Variants in TATDN3 observed in about 807,000 individuals in gnomAD.
The protein encoded by TATDN3 is deoxyribonuclease TATDN3.
In TATDN3, 29 loss-of-function variants were observed where a neutral mutation model predicts 40.1. That is an observed-to-expected ratio of 0.72 (90% CI 0.54 to 0.99). The LOEUF (loss-of-function observed/expected upper bound fraction) is 0.99, where lower values mean the gene tolerates loss of function less well. TATDN3 is among the 50% of genes least tolerant of loss of function. The probability of loss-of-function intolerance (pLI) is 0.00; values close to 1 mark genes in which losing one functional copy is unlikely to be tolerated. For missense variants in TATDN3, 309 were observed against 321.9 expected, an observed-to-expected ratio of 0.96 and a Z score of 0.31; for synonymous variants, 105 against 117.0, an observed-to-expected ratio of 0.90 and a Z score of 0.66.
rs116926652 is a variant in TATDN3 at position 212,800,794 on chromosome 1, T to G, written c.259-1907T>G. 1.8e-4 allele frequency among the ~76,000 whole-genome samples: 28 copies of G among 152,244 alleles called. No homozygotes were observed. In the East Asian group the frequency reaches 5.4e-3, roughly 29 times the overall value. ...ACTGACTTCTGTGATCTGTGGCACA[T>G]TACTTACCTTTGCCAAGTCTGATTT... On this transcript the variant is annotated intron_variant, in intron 4 of 9. Transcript: ENST00000366974.
chr1:212,805,132 TTA>T (rs1398390380), intron 7 of TATDN3, among the ~76,000 whole-genome samples: 1 of 151,988 alleles, frequency 6.6e-6, no homozygotes, highest in African/African-American at 2.4e-5. Context: ...CAGCTAATTT[TTA>T]TATTTTTAGT....
Position 212,804,634 on chromosome 1 carries a change from A to G in TATDN3, c.470A>G (p.Asn157Ser), listed in dbSNP as rs149554235. Reference sequence around the variant, plus strand: ...CGCTCTGCTGGAAGACCTACCATCAACCTTTTACAAGAGCAAGGTATTTCG... The same window carrying G: ...CGCTCTGCTGGAAGACCTACCATCAGCCTTTTACAAGAGCAAGGTATTTCG... ...HSRSAGRPTINLLQEQGAEKV... is the reference protein window; with the variant it reads ...HSRSAGRPTISLLQEQGAEKV... Residue 157 changes from asparagine (N) to serine (S), a missense_variant, in exon 7 of 10, where the codon AAC (asparagine) becomes AGC (serine). Transcript: ENST00000366974. 1,422 of 1,613,456 alleles carry G rather than the reference A, an allele frequency of 8.8e-4. 5 individuals are homozygous for G. The African/African-American group carries it at 0.016, about 18-fold the overall frequency.
rs1042382150 is a variant in TATDN3, at chr1:212,815,979, G to A, written c.*823G>A. 1 of 152,054 alleles carries A rather than the reference G, an allele frequency of 6.6e-6. No individual in the cohort carries two copies. Among genetic ancestry groups the A allele is most frequent in the African/African-American group, 2.4e-5 (1 of 41,402 alleles). The allele number at this position is 152,054 out of a possible 1,614,324, so 9.4% of individuals were successfully genotyped here. The stretch of plus-strand genomic sequence containing the variant: ...TTCTCTTTAAGATAAAAATGCATAC[G>A]ATTTTTACACTGATCTTAGATTTTT... On this transcript the variant is annotated 3_prime_UTR_variant, in exon 10 of 10. Transcript: ENST00000366974.
At chr1:212,809,431 T>A (rs535696934) in intron 8 of TATDN3, among the ~76,000 whole-genome samples, 1 of 152,344 alleles carries the variant, frequency 6.6e-6, no homozygotes, top group South Asian at 2.1e-4. Flanking sequence ...ATGCCTGTAA[T>A]CCCAGCACTT....
intron 2 of TATDN3, 64 bp from the exon 3 acceptor site, chr1:212,796,453 A>T (rs776003590): frequency 5.7e-5 from 74 of 1,296,640 alleles, no homozygotes; most frequent in Non-Finnish European, 7.3e-5. Context: ...GAAAACTTTA[A>T]AATTTTCTAT....
At chr1:212,799,071 A>T (rs1273376669) in intron 4 of TATDN3, among the ~76,000 whole-genome samples, 3 of 152,232 alleles carry the variant, frequency 2.0e-5, no homozygotes, top group Non-Finnish European at 2.9e-5. Flanking sequence ...GGAAACAGCA[A>T]AGCACAAAGG....
chr1:212,807,679 T>G (rs1186814240), intron 7 of TATDN3, 57 bp from the exon 8 acceptor site: 1 of 1,353,850 alleles, frequency 7.4e-7, no homozygotes, highest in Non-Finnish European at 1.0e-6. Context: ...CTTCTGTTAT[T>G]TAATTTGATT....
rs1467557998 is a variant in TATDN3, at chr1:212,807,836, A to C, written c.588A>C (p.Ile196=). The stretch of plus-strand genomic sequence containing the variant: ...TCTTCTCAATTCCCCCTTCTATCAT[A>C]AGAAGTGGACAGGTAAATTTTTTCA... ...GYFFSIPPSI[I]RSGQKQKLVK... The change falls in exon 8 of 10, where the codon ATA becomes ATC. Residue 196 remains isoleucine (I), a synonymous_variant. Transcript: ENST00000366974. 5 of 1,610,146 alleles carry C rather than the reference A, an allele frequency of 3.1e-6. No individual in the cohort carries two copies. In the African/African-American group the frequency reaches 6.7e-5, roughly 22 times the overall value.
chr1:212,803,742 A>G (rs1258404305), intron 5 of TATDN3, among the ~76,000 whole-genome samples: 1 of 140,978 alleles, frequency 7.1e-6, no homozygotes, highest in Non-Finnish European at 1.6e-5. Flanking sequence ...TACCAAAAAG[A>G]AAAAAAAAAA....
intron 4 of TATDN3, 62 bp from the exon 5 acceptor site, chr1:212,802,639 A>C: frequency 8.8e-7 from 1 of 1,131,166 alleles, no homozygotes; most frequent in Non-Finnish European, 1.4e-6. Flanking sequence ...AGCACATAAT[A>C]GGAGCTTGTG....
Position 212,796,571 on chromosome 1 carries a change from A to C in TATDN3, c.154A>C (p.Ile52Leu). The change falls in exon 3 of 10, where the codon ATT becomes CTT. Residue 52 changes from isoleucine (I) to leucine (L), a missense_variant. Physicochemically the swap from Ile to Leu is conservative, Grantham distance 5 (BLOSUM62 2). Transcript: ENST00000366974. Reference sequence around the variant, plus strand: ...CGAACATTCAGGAGAATTTGAAAAGATTATGCAACTTTCAGAAAGGTGCTA... The same window carrying C: ...CGAACATTCAGGAGAATTTGAAAAGCTTATGCAACTTTCAGAAAGGTGCTA... ...VAEHSGEFEK[I>L]MQLSERYNGF... 6.3e-7 allele frequency: 1 copy of C among 1,578,528 alleles called. No individual in the cohort carries two copies.
intron 1 of TATDN3, chr1:212,793,089 A>G (rs1279488635): frequency 2.0e-5 from 3 of 152,264 alleles, no homozygotes; most frequent in African/African-American, 7.2e-5. Flanking sequence ...ATGAGCTAGA[A>G]AGAGAAAGGC....
At chr1:212,797,015 C>G in intron 3 of TATDN3, 97 bp from the exon 4 acceptor site, 1 of 913,624 alleles carries the variant, frequency 1.1e-6, no homozygotes, top group Non-Finnish European at 1.8e-6. Context: ...GAATTACAGA[C>G]ATAAGCCACC....
rs535087699 is a variant in TATDN3, at chr1:212,816,067, T to A, written c.*911T>A. On this transcript the variant is annotated 3_prime_UTR_variant, in exon 10 of 10. Transcript: ENST00000366974. The stretch of plus-strand genomic sequence containing the variant: ...ATACCAAGCCCAAAAGTTTAGTTAA[T>A]ACACCAATTGTAAGTTCTGGTCTGA... The A allele has an allele frequency of 1.3e-5, 2 of 152,334 alleles. No homozygotes were observed. Among genetic ancestry groups the A allele is most frequent in the East Asian group, 3.8e-4 (2 of 5,196 alleles). The allele number at this position is 152,334 out of a possible 1,614,324, so 9.4% of individuals were successfully genotyped here. A position where few individuals can be genotyped will look rare whatever the true frequency, so the allele number is the denominator to read the frequency against.
intron 5 of TATDN3, among the ~76,000 whole-genome samples, chr1:212,803,494 T>C (rs1165432520): frequency 1.3e-5 from 2 of 152,106 alleles, no homozygotes; most frequent in African/African-American, 4.8e-5. Flanking sequence ...AATTGTGAAA[T>C]ATTTTTATTA....
chr1:212,802,506 GA>G (rs748840753), intron 4 of TATDN3, among the ~76,000 whole-genome samples, 194 bp from the exon 5 acceptor site: 10 of 152,276 alleles, frequency 6.6e-5, no homozygotes, highest in Admixed American at 6.5e-4. Context: ...ATGGGTATGG[GA>G]TATGTTTCTA....
chr1:212,803,900 G>A (rs1184228058), intron 5 of TATDN3, among the ~76,000 whole-genome samples: 1 of 152,034 alleles, frequency 6.6e-6, no homozygotes, highest in African/African-American at 2.4e-5. Flanking sequence ...GCCGGGCGTG[G>A]TAGCAGGCAC....
chr1:212,806,785 C>CAT lies in TATDN3; in HGVS notation c.488-950_488-949insTA, dbSNP rs1348078235. ...ATATATATATATATATATATATATA[C>CAT]ACACACACACACACATATATACACA... is the stretch of plus-strand genomic sequence containing the variant. On this transcript the variant is annotated intron_variant, in intron 7 of 9. Coordinates refer to ENST00000366974, the MANE Select transcript of TATDN3 (RefSeq NM_001042552.3). Among the ~76,000 whole-genome samples the CAT allele has an allele frequency of 2.1e-3, 123 of 57,482 alleles. 10 individuals are homozygous for CAT. Among genetic ancestry groups the CAT allele is most frequent in the African/African-American group, 6.0e-3 (115 of 19,192 alleles). 37.7% of individuals were successfully genotyped at this position (57,482 alleles called of 152,430 possible).
At chr1:212,809,049 A>G (rs921050620) in intron 8 of TATDN3, among the ~76,000 whole-genome samples, 4 of 152,252 alleles carry the variant, frequency 2.6e-5, no homozygotes, top group African/African-American at 7.2e-5. Flanking sequence ...ATGAAAAGAA[A>G]TGAAGTACTG....
Sources: gnomAD v4.1 joint callset for allele counts (sites outside exome capture counted in the v4.1 genomes callset) on GRCh38, gnomAD v4.1.1 for gene constraint, MANE v1.5 for transcripts, NCBI Gene and HGNC (gene_info 2026-07-23, HGNC 2026-07-21) for gene names.